The following APOBEC3A variants were observed in gnomAD, a reference collection of about 807,000 sequenced individuals.
APOBEC3A encodes the protein apolipoprotein B mRNA editing enzyme catalytic subunit 3A.
Under a neutral mutation model 23.0 loss-of-function variants are expected in APOBEC3A, and 13 were observed. The ratio of observed to expected loss-of-function variants is 0.57; its 90% CI spans 0.37 to 0.90. The LOEUF (loss-of-function observed/expected upper bound fraction) is 0.90. Among genes scored for constraint, APOBEC3A ranks in the 40% least tolerant of loss-of-function variants. The pLI is 0.01. For missense variants in APOBEC3A, 179 were observed against 264.9 expected, an observed-to-expected ratio of 0.68 and a Z score of 2.25; for synonymous variants, 74 against 101.3, an observed-to-expected ratio of 0.73 and a Z score of 1.62.
chr22:38,962,788 C>G lies in APOBEC3A; in HGVS notation c.*279C>G, dbSNP rs893888422. The G allele has an allele frequency of 5.3e-6, 4 of 751,444 alleles. No individual in the cohort carries two copies. In the South Asian group the frequency reaches 6.0e-5, roughly 11 times the overall value. 46.5% of individuals were successfully genotyped at this position (751,444 alleles called of 1,614,324 possible). A position where few individuals can be genotyped will look rare whatever the true frequency, so the allele number is the denominator to read the frequency against. On this transcript the variant is annotated 3_prime_UTR_variant, in exon 5 of 5. Coordinates refer to ENST00000249116, the MANE Select transcript of APOBEC3A (RefSeq NM_145699.4). ...CCTGGCTAACACGGTGAAACCCTGT[C>G]TCTACTAAAAATACAAAAAATTAGC... is the stretch of plus-strand genomic sequence containing the variant.
Position 38,961,725 on chromosome 22 carries a change from G to C in APOBEC3A, c.469+44G>C, listed in dbSNP as rs1042302248. 5 of 1,166,396 alleles carry C rather than the reference G, an allele frequency of 4.3e-6. No individual in the cohort carries two copies. The African/African-American group carries it at 8.4e-5, about 20-fold the overall frequency. 72.3% of individuals were successfully genotyped at this position (1,166,396 alleles called of 1,614,324 possible). ...GGTGGGGTGGGGTGGGTGGGGGCAG[G>C]AGAGGTTCCTGGGAAGAAAAGGAGA... is the stretch of plus-strand genomic sequence containing the variant. On this transcript the variant is annotated intron_variant, in intron 3 of 4. Transcript: ENST00000249116.
At chr22:38,960,493 T>A (rs1480326425) in intron 2 of APOBEC3A, among the ~76,000 whole-genome samples, 1 of 152,194 alleles carries the variant, frequency 6.6e-6, no homozygotes, top group African/African-American at 2.4e-5. Flanking sequence ...TTTGTCCCCA[T>A]CACAATCACA....
intron 2 of APOBEC3A, 60 bp downstream of exon 2, chr22:38,959,746 G>A (rs1922791886): frequency 6.3e-7 from 1 of 1,580,898 alleles, no homozygotes; most frequent in African/African-American, 1.4e-5. Context: ...ACATTCATAG[G>A]TAGAAGGTTC....
At chr22:38,959,744 A>T in intron 2 of APOBEC3A, 58 bp downstream of exon 2, 1 of 1,581,752 alleles carries the variant, frequency 6.3e-7, no homozygotes, top group Non-Finnish European at 8.6e-7. Context: ...GGACATTCAT[A>T]GGTAGAAGGT....
chr22:38,959,714 G>A (rs1922788980), intron 2 of APOBEC3A, 28 bp downstream of exon 2: 3 of 1,605,662 alleles, frequency 1.9e-6, no homozygotes, highest in Non-Finnish European at 2.6e-6. Flanking sequence ...CCGAATCCGG[G>A]CAGGGCCCTT....
chr22:38,957,768 A>T, intron 1 of APOBEC3A, 48 bp downstream of exon 1: 1 of 1,594,486 alleles, frequency 6.3e-7, no homozygotes, highest in Non-Finnish European at 8.6e-7. Context: ...CTCCTCTTTG[A>T]GCTTTTCTGA....
intron 4 of APOBEC3A, 43 bp downstream of exon 4, chr22:38,962,256 C>G (rs746800599): frequency 5.0e-6 from 8 of 1,613,316 alleles, no homozygotes; most frequent in Non-Finnish European, 6.8e-6. Flanking sequence ...TCGGCCTCCC[C>G]CTCCTCCCCA....
chr22:38,959,241 G>A (rs1660525022), intron 1 of APOBEC3A, among the ~76,000 whole-genome samples: 1 of 152,130 alleles, frequency 6.6e-6, no homozygotes. Flanking sequence ...GCATGGTGAG[G>A]CCACAGAATA....
chr22:38,958,346 T>A (rs1356674200), intron 1 of APOBEC3A, among the ~76,000 whole-genome samples: 1 of 150,524 alleles, frequency 6.6e-6, no homozygotes, highest in African/African-American at 2.5e-5. Flanking sequence ...TCTTTCTTTC[T>A]CTCTCTCTCT....
chr22:38,960,143 G>T (rs1922811285), intron 2 of APOBEC3A, among the ~76,000 whole-genome samples: 1 of 152,226 alleles, frequency 6.6e-6, no homozygotes, highest in Non-Finnish European at 1.5e-5. Context: ...AGGATGCAGG[G>T]ATGTCCAGCA....
intron 1 of APOBEC3A, among the ~76,000 whole-genome samples, chr22:38,959,027 C>A (rs985534478): frequency 2.0e-4 from 30 of 152,188 alleles, no homozygotes; most frequent in African/African-American, 6.7e-4. Flanking sequence ...ATTTGGGAGA[C>A]CTCAGGGCAC....
At chr22:38,961,980 A>G in intron 3 of APOBEC3A, 118 bp from the exon 4 acceptor site, 1 of 1,350,738 alleles carries the variant, frequency 7.4e-7, no homozygotes, top group Non-Finnish European at 1.0e-6. Flanking sequence ...TAGGGGAGGG[A>G]GAGGGAAAGG....
Position 38,962,726 on chromosome 22 carries a change from A to T in APOBEC3A, c.*217A>T. The T allele has an allele frequency of 8.3e-7, 1 of 1,211,566 alleles. No individual in the cohort carries two copies. Among genetic ancestry groups the T allele is most frequent in the Non-Finnish European group, 1.1e-6 (1 of 891,606 alleles). The allele number at this position is 1,211,566 out of a possible 1,614,324, so 75.1% of individuals were successfully genotyped here. ...TGTAATCCCAGCACTTTGGAGGCCAAGGCGGGTGGATCACGAGGTCAGGAG... is the reference window on the plus strand; with the variant it reads ...TGTAATCCCAGCACTTTGGAGGCCATGGCGGGTGGATCACGAGGTCAGGAG... On this transcript the variant is annotated 3_prime_UTR_variant, in exon 5 of 5. Coordinates refer to ENST00000249116, the MANE Select transcript of APOBEC3A (RefSeq NM_145699.4).
In APOBEC3A at chr22:38,962,589, A is replaced by G; in HGVS notation, c.*80A>G. 6.3e-7 allele frequency: 1 copy of G among 1,578,760 alleles called. No individual in the cohort carries two copies. The highest frequency in any genetic ancestry group is 8.6e-7 in the Non-Finnish European group (1 of 1,163,158). On this transcript the variant is annotated 3_prime_UTR_variant, in exon 5 of 5. Transcript: ENST00000249116. ...AAAGATCTTCTTCCAAGAAATGCAA[A>G]CAGACCGTTCACCACCATCTCCAGC...
chr22:38,958,420 T>C (rs1922677576), intron 1 of APOBEC3A, among the ~76,000 whole-genome samples: 1 of 150,574 alleles, frequency 6.6e-6, no homozygotes, highest in African/African-American at 2.4e-5. Context: ...CCTTCTGTGC[T>C]TCCTTCCTTT....
chr22:38,962,200 G>T lies in APOBEC3A; in HGVS notation c.572G>T (p.Arg191Leu). Residue 191 changes from arginine (R) to leucine (L), a missense_variant, in exon 4 of 5, where the codon CGG becomes CTG. Transcript: ENST00000249116. ...EHSQALSGRL[R>L]AILQNQGN Reference sequence around the variant, plus strand: ...AGCCAAGCCCTGAGTGGGAGGCTGCGGGCCATTCTCCAGGTGAGGGCTTCC... The same window carrying T: ...AGCCAAGCCCTGAGTGGGAGGCTGCTGGCCATTCTCCAGGTGAGGGCTTCC... 6.2e-7 allele frequency: 1 copy of T among 1,613,570 alleles called. No individual in the cohort carries two copies. The highest frequency in any genetic ancestry group is 8.5e-7 in the Non-Finnish European group (1 of 1,179,976).
In APOBEC3A at chr22:38,962,188, G is replaced by C. The variant is rs200623568; in HGVS notation, c.560G>C (p.Ser187Thr). 19 of 1,613,450 alleles carry C rather than the reference G, an allele frequency of 1.2e-5. No homozygotes were observed. The Admixed American group carries it at 1.3e-4, about 11-fold the overall frequency. The change falls in exon 4 of 5, where the codon AGT (serine) becomes ACT (threonine). Residue 187 changes from serine to threonine, a missense_variant. Around this residue, in one of 5 missense-constraint regions of APOBEC3A, gnomAD observed 37 missense variants for 43.1 expected, o/e 0.86. Transcript: ENST00000249116. ...DGLDEHSQAL[S>T]GRLRAILQNQ... ...CTAGATGAGCACAGCCAAGCCCTGA[G>C]TGGGAGGCTGCGGGCCATTCTCCAG... is the stretch of plus-strand genomic sequence containing the variant.
intron 2 of APOBEC3A, among the ~76,000 whole-genome samples, 179 bp downstream of exon 2, chr22:38,959,865 C>T (rs1189930118): frequency 6.6e-6 from 1 of 152,176 alleles, no homozygotes; most frequent in Admixed American, 6.5e-5. Flanking sequence ...ACTATCCATG[C>T]CCAGGTGGGG....
At chr22:38,960,108 G>A (rs901385486) in intron 2 of APOBEC3A, among the ~76,000 whole-genome samples, 4 of 152,206 alleles carry the variant, frequency 2.6e-5, no homozygotes, top group Non-Finnish European at 5.9e-5. Context: ...GGAGCCCACA[G>A]CAAGGCCAGA....
Sources: gnomAD v4.1 joint callset for allele counts (sites outside exome capture counted in the v4.1 genomes callset) on GRCh38, gnomAD v4.1.1 for gene constraint, gnomAD v4.1.1 regional missense constraint, MANE v1.5 for transcripts, NCBI Gene and HGNC (gene_info 2026-07-23, HGNC 2026-07-21) for gene names.